Variants in TEX9 observed in about 807,000 individuals in gnomAD.
TEX9 encodes the protein testis-expressed protein 9.
A neutral mutation model predicts 59.6 loss-of-function variants in TEX9; 74 were observed. The ratio of observed to expected loss-of-function variants is 1.24; its 90% CI spans 1.03 to 1.51. TEX9 has a LOEUF of 1.51. Among genes scored for constraint, TEX9 ranks in the 40% most tolerant of loss-of-function variants. The pLI, the probability that TEX9 is intolerant of heterozygous loss-of-function variation, is 0.00. For missense variants in TEX9, 522 were observed against 447.8 expected, an observed-to-expected ratio of 1.17 and a Z score of -1.49; for synonymous variants, 186 against 152.2, an observed-to-expected ratio of 1.22 and a Z score of -1.64.
upstream of TEX9, among the ~76,000 whole-genome samples, chr15:56,364,636 G>A (rs531720498): frequency 3.3e-5 from 5 of 152,032 alleles, no homozygotes; most frequent in Non-Finnish European, 5.9e-5. Context: ...TTTGTATATG[G>A]TGTGAAGTTA....
intron 9 of TEX9, among the ~76,000 whole-genome samples, chr15:56,400,967 A>T (rs1285053832): frequency 2.0e-5 from 3 of 152,186 alleles, no homozygotes; most frequent in Non-Finnish European, 4.4e-5. Context: ...GCCTTACAAG[A>T]GCTCCTGAAG....
At position 56,289,403 on chromosome 15, in the gene TEX9, G is replaced by A. The variant is rs117469319; in HGVS notation, c.-107+45125G>A. The stretch of plus-strand genomic sequence containing the variant: ...TGGAAAGATCTTCCCCTACAAGAAG[G>A]GGGAATATAAAGGCACTTGCTGGGT... On this transcript the variant is annotated intron_variant, in intron 1 of 5. Transcript: ENST00000560827. Among the ~76,000 whole-genome samples, 460 of 152,288 alleles carry A rather than the reference G, an allele frequency of 3.0e-3. 6 individuals are homozygous for A. The highest frequency in any genetic ancestry group is 6.8e-3 in the Middle Eastern group (2 of 294).
intron 10 of TEX9, among the ~76,000 whole-genome samples, chr15:56,415,531 C>T (rs553059958): frequency 3.3e-5 from 5 of 151,816 alleles, no homozygotes; most frequent in South Asian, 4.1e-4. Context: ...GAAGATCAGA[C>T]GGTTGTAGAT....
At position 56,408,477 on chromosome 15, in the gene TEX9, A is replaced by G. The variant is rs138428106; in HGVS notation, c.829-3825A>G. The G allele has an allele frequency of 1.8e-3, 278 of 152,228 alleles. 2 individuals are homozygous for G. Among genetic ancestry groups the G allele is most frequent in the African/African-American group, 6.1e-3 (255 of 41,540 alleles). 9.4% of individuals were successfully genotyped at this position (152,228 alleles called of 1,614,324 possible). On this transcript the variant is annotated intron_variant, in intron 9 of 12. Transcript: ENST00000352903. ...CTATATCTAATCCTTAGATTATCTC[A>G]TTCAGTTCCATGGCTTTATATACCA...
intron 1 of TEX9, among the ~76,000 whole-genome samples, chr15:56,255,259 G>A (rs575206185): frequency 3.9e-5 from 6 of 152,248 alleles, no homozygotes; most frequent in Non-Finnish European, 8.8e-5. Flanking sequence ...CAGGGGGCAG[G>A]TGAACCCCTG....
intron 12 of TEX9, among the ~76,000 whole-genome samples, chr15:56,434,658 G>A (rs546869096): frequency 8.5e-5 from 13 of 152,136 alleles, no homozygotes; most frequent in Non-Finnish European, 1.5e-4. Flanking sequence ...GAATTAACAC[G>A]TAACTGCTTT....
intron 1 of TEX9, among the ~76,000 whole-genome samples, chr15:56,329,124 A>T (rs571817059): frequency 2.0e-5 from 3 of 152,292 alleles, no homozygotes; most frequent in African/African-American, 7.2e-5. Flanking sequence ...AGGGGAGAGA[A>T]CAAGAGTCTC....
rs1408133656 is a variant in TEX9, at chr15:56,428,474, G to C, written c.*29+1G>C. Reference sequence around the variant, plus strand: ...TCTACTTCAGTTAGTCTCTATGACAGTATGTGATGGATACCCATTTTACTT... The same window carrying C: ...TCTACTTCAGTTAGTCTCTATGACACTATGTGATGGATACCCATTTTACTT... On this transcript the variant is annotated splice_donor_variant, in intron 12 of 12. Coordinates refer to ENST00000352903, the Ensembl canonical transcript of TEX9. LOFTEE classifies it low-confidence loss of function (3UTR_SPLICE). 3.6e-6 allele frequency: 5 copies of C among 1,408,190 alleles called. No homozygotes were observed. Among genetic ancestry groups the C allele is most frequent in the Non-Finnish European group, 5.0e-6 (5 of 999,398 alleles). The allele number at this position is 1,408,190 out of a possible 1,614,324, so 87.2% of individuals were successfully genotyped here.
chr15:56,362,698 G>GCTAA (rs1328042866), upstream of TEX9, among the ~76,000 whole-genome samples: 1 of 152,076 alleles, frequency 6.6e-6, no homozygotes, highest in Non-Finnish European at 1.5e-5. Flanking sequence ...CAACTCCTTA[G>GCTAA]CTAACCCTCC....
At chr15:56,457,076 T>C in the TEX9 span, among the ~76,000 whole-genome samples, 2 of 152,176 alleles carry the variant, frequency 1.3e-5, no homozygotes, top group African/African-American at 4.8e-5. Context: ...GATCCACATA[T>C]TGCATCTAAT....
the TEX9 span, among the ~76,000 whole-genome samples, chr15:56,458,054 T>A: frequency 6.6e-6 from 1 of 152,174 alleles, no homozygotes. Flanking sequence ...AGAAAAAGAA[T>A]GCAAGCAAAA....
At chr15:56,406,406 G>A (rs2049081043) in intron 9 of TEX9, among the ~76,000 whole-genome samples, 1 of 152,146 alleles carries the variant, frequency 6.6e-6, no homozygotes, top group African/African-American at 2.4e-5. Context: ...AAAATCCACA[G>A]TGAATTTCCA....
At chr15:56,436,873 G>C (rs2140338408) in intron 12 of TEX9, among the ~76,000 whole-genome samples, 1 of 152,172 alleles carries the variant, frequency 6.6e-6, no homozygotes, top group Admixed American at 6.6e-5. Flanking sequence ...TAAATTCCTG[G>C]ACACATACAC....
At chr15:56,342,323 T>G (rs118145479) in intron 1 of TEX9, among the ~76,000 whole-genome samples, 1 of 152,122 alleles carries the variant, frequency 6.6e-6, no homozygotes, top group Non-Finnish European at 1.5e-5. Flanking sequence ...AGAGGTTAAG[T>G]GAAAAGGACA....
intron 1 of TEX9, among the ~76,000 whole-genome samples, chr15:56,283,760 CA>C (rs1334350366): frequency 6.6e-6 from 1 of 151,754 alleles, no homozygotes; most frequent in Non-Finnish European, 1.5e-5. Context: ...ACCCCCCCTT[CA>C]AAAAACCATA....
At chr15:56,272,356 A>T (rs1335192947) in intron 1 of TEX9, among the ~76,000 whole-genome samples, 1 of 152,202 alleles carries the variant, frequency 6.6e-6, no homozygotes, top group Admixed American at 6.5e-5. Context: ...TATTTCATAT[A>T]AATGCAATGT....
chr15:56,253,383 C>A (rs1377088836), intron 1 of TEX9, among the ~76,000 whole-genome samples: 1 of 152,094 alleles, frequency 6.6e-6, no homozygotes. Flanking sequence ...ACTTTAACCC[C>A]CTCCAAATAT....
intron 1 of TEX9, among the ~76,000 whole-genome samples, chr15:56,322,649 G>T (rs1290392401): frequency 6.6e-6 from 1 of 152,098 alleles, no homozygotes; most frequent in Non-Finnish European, 1.5e-5. Context: ...TGACTCCAAG[G>T]CACAGTTGTA....
At chr15:56,311,478 AT>A (rs2045615161) in intron 1 of TEX9, among the ~76,000 whole-genome samples, 1 of 114,254 alleles carries the variant, frequency 8.8e-6, no homozygotes, top group Admixed American at 9.9e-5. Flanking sequence ...TGAACTCATC[AT>A]TTTTTATGGC....
Sources: allele counts gnomAD v4.1 joint callset (sites outside exome capture counted in the v4.1 genomes callset), GRCh38; gene constraint gnomAD v4.1.1; transcripts MANE v1.5; gene names NCBI Gene and HGNC (gene_info 2026-07-23, HGNC 2026-07-21).